SDCCAG8: variants seen among roughly 807,000 people sequenced by gnomAD.
SDCCAG8 encodes the protein SHH signaling and ciliogenesis regulator SDCCAG8, also known as serologically defined colon cancer antigen 8.
Under a neutral mutation model 101.8 loss-of-function variants are expected in SDCCAG8, and 74 were observed. The observed-to-expected ratio is 0.73, with a 90% CI of 0.60 to 0.88. The LOEUF is 0.88. SDCCAG8 is among the 40% of genes least tolerant of loss of function. The pLI, the probability that SDCCAG8 is intolerant of heterozygous loss-of-function variation, is 0.00. For missense variants in SDCCAG8, 787 were observed against 822.6 expected (o/e 0.96, Z 0.53); for synonymous variants, 281 against 292.9 (o/e 0.96, Z 0.41).
At chr1:243,291,754 CA>C (rs1335329660) in intron 5 of SDCCAG8, among the ~76,000 whole-genome samples, 1 of 152,114 alleles carries the variant, frequency 6.6e-6, no homozygotes, top group Non-Finnish European at 1.5e-5. Flanking sequence ...ACTAGGTGTC[CA>C]GTGATTCAAT....
intron 13 of SDCCAG8, among the ~76,000 whole-genome samples, chr1:243,392,253 T>C (rs370485732): frequency 1.3e-5 from 2 of 152,332 alleles, no homozygotes; most frequent in South Asian, 4.1e-4. Context: ...TAGAAAACTT[T>C]AGAGCAATTA....
intron 16 of SDCCAG8, among the ~76,000 whole-genome samples, chr1:243,429,648 C>T (rs2081578623): frequency 6.6e-6 from 1 of 151,366 alleles, no homozygotes; most frequent in Non-Finnish European, 1.5e-5. Flanking sequence ...CCCTCCTCAG[C>T]CTTCCAAGCA....
At chr1:243,364,716 A>C (rs2076900133) in intron 12 of SDCCAG8, among the ~76,000 whole-genome samples, 1 of 152,206 alleles carries the variant, frequency 6.6e-6, no homozygotes, top group Non-Finnish European at 1.5e-5. Flanking sequence ...CTGGAAAAAC[A>C]TTTGAGGTTT....
intron 13 of SDCCAG8, among the ~76,000 whole-genome samples, chr1:243,394,601 A>G (rs1456572630): frequency 2.0e-5 from 3 of 152,248 alleles, no homozygotes; most frequent in Admixed American, 2.0e-4. Flanking sequence ...CAGTATTTTC[A>G]TCATTTACAG....
At chr1:243,256,347 T>A in intron 1 of SDCCAG8, 107 bp downstream of exon 1, 1 of 851,956 alleles carries the variant, frequency 1.2e-6, no homozygotes, top group South Asian at 1.3e-5. Context: ...CCGTCCACGC[T>A]ACAGAGGAGC....
At chr1:243,355,738 T>C (rs1464739382) in intron 12 of SDCCAG8, among the ~76,000 whole-genome samples, 5 of 152,194 alleles carry the variant, frequency 3.3e-5, no homozygotes, top group Non-Finnish European at 1.5e-5. Context: ...CCCAAGTAGC[T>C]GGGACCACAG....
At chr1:243,309,804 A>G (rs2484641) in intron 8 of SDCCAG8, among the ~76,000 whole-genome samples, 144,946 of 152,254 alleles carry the variant, frequency 0.95, 69,397 homozygotes, top group East Asian at 1. Flanking sequence ...CTAACCTACT[A>G]ATTGTTATAT....
chr1:243,263,982 A>G (rs1338758059), intron 1 of SDCCAG8, among the ~76,000 whole-genome samples: 2 of 151,936 alleles, frequency 1.3e-5, no homozygotes, highest in African/African-American at 4.8e-5. Context: ...CTGTGGTTTT[A>G]TTTTTCTGCA....
At chr1:243,274,486 A>T in intron 3 of SDCCAG8, 57 bp from the exon 4 acceptor site, 1 of 1,013,130 alleles carries the variant, frequency 9.9e-7, no homozygotes, top group Middle Eastern at 3.1e-4. Context: ...AACATGCTTA[A>T]TTTGGCTTTT....
intron 16 of SDCCAG8, among the ~76,000 whole-genome samples, chr1:243,455,275 G>C (rs1041365784): frequency 6.6e-6 from 1 of 152,022 alleles, no homozygotes; most frequent in African/African-American, 2.4e-5. Context: ...CTTTATTTTT[G>C]TTTTTATTTT....
intron 10 of SDCCAG8, 105 bp downstream of exon 10, chr1:243,330,797 A>G: frequency 1.8e-6 from 2 of 1,100,174 alleles, no homozygotes; most frequent in Non-Finnish European, 2.7e-6. Context: ...TAAATTTTAA[A>G]ATCGTTATTA....
chr1:243,303,562 C>G lies in SDCCAG8; in HGVS notation c.676-1151C>G, dbSNP rs557790807. Among the ~76,000 whole-genome samples the G allele has an allele frequency of 2.6e-4, 39 of 152,194 alleles. No homozygotes were observed. In the South Asian group the frequency reaches 6.9e-3, roughly 27 times the overall value. On this transcript the variant is annotated intron_variant, in intron 6 of 17. Coordinates refer to ENST00000366541, the MANE Select transcript of SDCCAG8 (RefSeq NM_006642.5). ...CAATGTGAAGATGGTAGGGTGAAGG[C>G]CTTTATGAGGACCCGCTTCCATTTA...
chr1:243,376,509 T>C (rs776510028), intron 12 of SDCCAG8, among the ~76,000 whole-genome samples: 4 of 152,208 alleles, frequency 2.6e-5, no homozygotes, highest in African/African-American at 4.8e-5. Context: ...AATTTGTACT[T>C]AAAACCTAAT....
chr1:243,336,121 G>C (rs2074992175), intron 10 of SDCCAG8, among the ~76,000 whole-genome samples: 1 of 152,076 alleles, frequency 6.6e-6, no homozygotes, highest in African/African-American at 2.4e-5. Context: ...GTGTCTTTTT[G>C]GTAAGACAAT....
intron 16 of SDCCAG8, among the ~76,000 whole-genome samples, chr1:243,428,180 T>C (rs1257056954): frequency 6.6e-6 from 1 of 152,180 alleles, no homozygotes; most frequent in African/African-American, 2.4e-5. Context: ...TAGCTGCATT[T>C]ATCATCTCCA....
intron 16 of SDCCAG8, among the ~76,000 whole-genome samples, chr1:243,439,313 C>T (rs1345456356): frequency 1.3e-5 from 2 of 151,888 alleles, no homozygotes; most frequent in East Asian, 3.9e-4. Flanking sequence ...GCCACTGCAC[C>T]CAGTTTACCA....
At chr1:243,307,957 C>T in intron 7 of SDCCAG8, 32 bp from the exon 8 acceptor site, 1 of 1,611,088 alleles carries the variant, frequency 6.2e-7, no homozygotes, top group Non-Finnish European at 8.5e-7. Context: ...TTTACCTGGC[C>T]ATTTTCTAGA....
At chr1:243,267,458 C>T (rs575378226) in intron 1 of SDCCAG8, 6 of 327,314 alleles carry the variant, frequency 1.8e-5, no homozygotes, top group South Asian at 7.7e-5. Context: ...CAGAATTAGC[C>T]GGGCGTGGTG....
chr1:243,349,205 C>T (rs1232563477), intron 12 of SDCCAG8, among the ~76,000 whole-genome samples: 4 of 152,114 alleles, frequency 2.6e-5, no homozygotes, highest in Non-Finnish European at 5.9e-5. Flanking sequence ...GTGTATATAT[C>T]CCCACTCACA....
Sources: allele counts gnomAD v4.1 joint callset (sites outside exome capture counted in the v4.1 genomes callset), GRCh38; gene constraint gnomAD v4.1.1; transcripts MANE v1.5; gene names NCBI Gene and HGNC (gene_info 2026-07-23, HGNC 2026-07-21).